Variants in SHROOM3 observed in about 807,000 individuals in gnomAD.
SHROOM3 encodes the protein shroom family member 3.
In SHROOM3, 47 loss-of-function variants were observed where a neutral mutation model predicts 138.6. That is an observed-to-expected ratio of 0.34 (90% CI 0.27 to 0.43). SHROOM3 has a LOEUF of 0.43. Among genes scored for constraint, SHROOM3 ranks in the 20% least tolerant of loss-of-function variants. The probability of loss-of-function intolerance (pLI) is 1.00; values close to 1 mark genes in which losing one functional copy is unlikely to be tolerated. For missense variants in SHROOM3, 2,491 were observed against 2,596.5 expected (o/e 0.96, Z 0.88); for synonymous variants, 1,062 against 1,063.3 (o/e 1.00, Z 0.02).
intron 1 of SHROOM3, among the ~76,000 whole-genome samples, chr4:76,501,022 G>T (rs1732081368): frequency 6.6e-6 from 1 of 152,080 alleles, no homozygotes; most frequent in Non-Finnish European, 1.5e-5. Flanking sequence ...CTTGCTATTT[G>T]CTCAGGCTAA....
chr4:76,605,962 C>CATATATATATATACACAT (rs1271192832), intron 2 of SHROOM3, among the ~76,000 whole-genome samples: 6 of 117,896 alleles, frequency 5.1e-5, no homozygotes, highest in Non-Finnish European at 8.6e-5. Flanking sequence ...TATATATATA[C>CATATATATATATACACAT]ATATATATAC....
intron 3 of SHROOM3, among the ~76,000 whole-genome samples, chr4:76,720,269 T>A (rs1720501985): frequency 6.8e-6 from 1 of 148,114 alleles, no homozygotes; most frequent in South Asian, 2.2e-4. Context: ...GGTTCAGGCC[T>A]GTAATCCCTT....
chr4:76,504,722 T>C (rs1560527135), intron 1 of SHROOM3, among the ~76,000 whole-genome samples: 1 of 152,182 alleles, frequency 6.6e-6, no homozygotes, highest in South Asian at 2.1e-4. Context: ...CTTTTCTCCT[T>C]CACTTTCTCC....
chr4:76,586,153 A>G, intron 2 of SHROOM3: 1 of 695,740 alleles, frequency 1.4e-6, no homozygotes, highest in Non-Finnish European at 1.8e-6. Context: ...TCAGCGGGCC[A>G]GCTCCTGTCA....
chr4:76,730,989 C>T, intron 4 of SHROOM3, 54 bp downstream of exon 4: 1 of 1,608,366 alleles, frequency 6.2e-7, no homozygotes, highest in South Asian at 1.1e-5. Flanking sequence ...TGTCATGTTC[C>T]CAGAAAAGAA....
chr4:76,510,706 A>G (rs1043931000), intron 1 of SHROOM3, among the ~76,000 whole-genome samples: 7 of 152,172 alleles, frequency 4.6e-5, no homozygotes, highest in African/African-American at 1.7e-4. Context: ...ATGTACTTCA[A>G]TGGCCTTAGT....
intron 4 of SHROOM3, among the ~76,000 whole-genome samples, chr4:76,733,016 C>T (rs1048834148): frequency 2.0e-5 from 3 of 152,186 alleles, no homozygotes; most frequent in Non-Finnish European, 4.4e-5. Context: ...ATGGCCAGCA[C>T]ACACTTATAA....
intron 1 of SHROOM3, among the ~76,000 whole-genome samples, chr4:76,451,388 T>G (rs1322487880): frequency 6.6e-6 from 1 of 152,188 alleles, no homozygotes; most frequent in Non-Finnish European, 1.5e-5. Flanking sequence ...TGCAAAAAAT[T>G]TGTGCAGAAT....
At chr4:76,519,895 CAA>C (rs963603443) in intron 1 of SHROOM3, among the ~76,000 whole-genome samples, 2 of 152,084 alleles carry the variant, frequency 1.3e-5, no homozygotes, top group Non-Finnish European at 2.9e-5. Context: ...TGAGGTGTGA[CAA>C]TATTGTAACG....
chr4:76,448,987 C>T (rs1730868091), intron 1 of SHROOM3, among the ~76,000 whole-genome samples: 1 of 152,196 alleles, frequency 6.6e-6, no homozygotes, highest in South Asian at 2.1e-4. Context: ...CTCTTTCGGT[C>T]TTCACCCTCT....
intron 1 of SHROOM3, among the ~76,000 whole-genome samples, chr4:76,534,384 G>A (rs1383912269): frequency 1.3e-5 from 2 of 152,114 alleles, no homozygotes; most frequent in Non-Finnish European, 2.9e-5. Flanking sequence ...CCTACTATGT[G>A]GCGGATAAAT....
Position 76,756,596 on chromosome 4 carries a change from C to A in SHROOM3, c.4857C>A (p.Ser1619Arg). 1 of 1,613,734 alleles carries A rather than the reference C, an allele frequency of 6.2e-7. No homozygotes were observed. Among genetic ancestry groups the A allele is most frequent in the Non-Finnish European group, 8.5e-7 (1 of 1,179,952 alleles). The stretch of plus-strand genomic sequence containing the variant: ...AGTCCACACCACCCTCCTTCATGAG[C>A]GTTCACGCCCAACTTGCTGGGTCTC... ...EAESTPPSFM[S>R]VHAQLAGSLG... Residue 1619 changes from serine to arginine, a missense_variant, in exon 8 of 11, where the codon AGC becomes AGA. Physicochemically the swap from Ser to Arg is moderately radical, Grantham distance 110 (BLOSUM62 -1). Transcript: ENST00000296043.
intron 1 of SHROOM3, among the ~76,000 whole-genome samples, chr4:76,492,304 C>G (rs1475686640): frequency 6.6e-6 from 1 of 152,190 alleles, no homozygotes; most frequent in African/African-American, 2.4e-5. Flanking sequence ...TGAGAATTAG[C>G]CTGCTTTGTG....
intron 3 of SHROOM3, among the ~76,000 whole-genome samples, chr4:76,713,409 G>A (rs941029098): frequency 6.6e-6 from 1 of 151,904 alleles, no homozygotes; most frequent in Non-Finnish European, 1.5e-5. Context: ...AAACAGAGCA[G>A]GATCATCAAT....
chr4:76,554,524 A>G (rs1334567594), intron 1 of SHROOM3, among the ~76,000 whole-genome samples: 1 of 145,138 alleles, frequency 6.9e-6, no homozygotes, highest in Non-Finnish European at 1.5e-5. Flanking sequence ...GGTTCATGCC[A>G]TTTTCCTGCC....
chr4:76,661,006 A>G (rs1281331536), intron 2 of SHROOM3, among the ~76,000 whole-genome samples: 1 of 151,302 alleles, frequency 6.6e-6, no homozygotes, highest in African/African-American at 2.4e-5. Flanking sequence ...ACTGTTACCC[A>G]AGCTTGTCTT....
chr4:76,732,542 G>T (rs911003012), intron 4 of SHROOM3, among the ~76,000 whole-genome samples: 7 of 152,204 alleles, frequency 4.6e-5, no homozygotes, highest in Non-Finnish European at 8.8e-5. Flanking sequence ...CCTTGCCCAT[G>T]TCCTTCCCAA....
At chr4:76,521,258 G>C (rs1466871861) in intron 1 of SHROOM3, among the ~76,000 whole-genome samples, 1 of 150,252 alleles carries the variant, frequency 6.7e-6, no homozygotes, top group Non-Finnish European at 1.5e-5. Context: ...GGTTTCAAGA[G>C]ATGTGAAGCC....
At chr4:76,713,864 T>A (rs912440766) in intron 3 of SHROOM3, among the ~76,000 whole-genome samples, 21 of 152,296 alleles carry the variant, frequency 1.4e-4, no homozygotes, top group Non-Finnish European at 2.6e-4. Flanking sequence ...TGACTGTAAA[T>A]TGTAAGCCCT....
Sources: allele counts gnomAD v4.1 joint callset (sites outside exome capture counted in the v4.1 genomes callset), GRCh38; gene constraint gnomAD v4.1.1; transcripts MANE v1.5; gene names NCBI Gene and HGNC (gene_info 2026-07-23, HGNC 2026-07-21).